CDC123: variants seen among roughly 807,000 people sequenced by gnomAD.
The protein encoded by CDC123 is translation initiation factor eIF2 assembly protein.
In CDC123, 37 loss-of-function variants were observed where a neutral mutation model predicts 54.4. That is an observed-to-expected ratio of 0.68 (90% CI 0.52 to 0.89). CDC123 has a LOEUF of 0.89. Among genes scored for constraint, CDC123 ranks in the 40% least tolerant of loss-of-function variants. The pLI, the probability that CDC123 is intolerant of heterozygous loss-of-function variation, is 0.00. For synonymous variants in CDC123, 144 were observed against 136.8 expected, an observed-to-expected ratio of 1.05 and a Z score of -0.37; for missense variants, 361 against 412.1, an observed-to-expected ratio of 0.88 and a Z score of 1.07.
chr10:12,208,687 G>A (rs1235377317), intron 2 of CDC123, among the ~76,000 whole-genome samples: 1 of 152,150 alleles, frequency 6.6e-6, no homozygotes, highest in African/African-American at 2.4e-5. Context: ...AGCTGGGCAT[G>A]GAAAGATAGT....
chr10:12,237,332 C>A, intron 9 of CDC123, 66 bp downstream of exon 9: 1 of 1,314,890 alleles, frequency 7.6e-7, no homozygotes, highest in African/African-American at 1.5e-5. Flanking sequence ...ACCTTATTTA[C>A]TATGGTGTGT....
At chr10:12,204,666 AT>A (rs1335348990) in intron 2 of CDC123, among the ~76,000 whole-genome samples, 4 of 152,236 alleles carry the variant, frequency 2.6e-5, no homozygotes, top group African/African-American at 4.8e-5. Context: ...TACAGTTATT[AT>A]TGACTATAGT....
chr10:12,236,608 A>G (rs1835979852), intron 8 of CDC123, among the ~76,000 whole-genome samples: 1 of 149,046 alleles, frequency 6.7e-6, no homozygotes, highest in Non-Finnish European at 1.5e-5. Context: ...CTAAAAAAAA[A>G]AAAAGGCCAG....
Position 12,205,735 on chromosome 10 carries a change from A to G in CDC123, c.147-4232A>G, listed in dbSNP as rs148552818. Among the ~76,000 whole-genome samples, 573 of 151,976 alleles carry G rather than the reference A, an allele frequency of 3.8e-3. 3 individuals carry two copies. The highest frequency in any genetic ancestry group is 0.013 in the African/African-American group (532 of 41,436). ...ATAGCATCCTAAATATTAGCACCATACTTTATCCATTTAGTTCTCTGCATG... is the reference window on the plus strand; with the variant it reads ...ATAGCATCCTAAATATTAGCACCATGCTTTATCCATTTAGTTCTCTGCATG... On this transcript the variant is annotated intron_variant, in intron 2 of 12. Coordinates refer to ENST00000281141, the MANE Select transcript of CDC123 (RefSeq NM_006023.3).
chr10:12,245,902 C>T, intron 10 of CDC123: 1 of 341,918 alleles, frequency 2.9e-6, no homozygotes, highest in East Asian at 5.7e-5. Context: ...GAGACCCTGT[C>T]TCGAAGAAAA....
intron 2 of CDC123, among the ~76,000 whole-genome samples, chr10:12,202,323 T>G (rs1274000220): frequency 6.6e-6 from 1 of 152,188 alleles, no homozygotes; most frequent in African/African-American, 2.4e-5. Context: ...AGTTATATAG[T>G]ATGTATTCTT....
intron 2 of CDC123, among the ~76,000 whole-genome samples, chr10:12,201,578 G>A (rs1835439987): frequency 6.6e-6 from 1 of 152,216 alleles, no homozygotes; most frequent in Non-Finnish European, 1.5e-5. Context: ...GAAAGGTCAT[G>A]TAGCTAGAGT....
intron 7 of CDC123, among the ~76,000 whole-genome samples, chr10:12,234,129 G>C (rs1269651634): frequency 6.6e-6 from 1 of 152,010 alleles, no homozygotes; most frequent in Non-Finnish European, 1.5e-5. Flanking sequence ...GTTTTGCTCT[G>C]TCGCCCAGGC....
chr10:12,223,530 C>G (rs1472378996), intron 6 of CDC123, among the ~76,000 whole-genome samples: 1 of 152,242 alleles, frequency 6.6e-6, no homozygotes, highest in Non-Finnish European at 1.5e-5. Context: ...AAGTGATCCA[C>G]CTGCCTCGGC....
At chr10:12,225,743 TCTC>T (rs1433435794) in intron 6 of CDC123, among the ~76,000 whole-genome samples, 2 of 107,030 alleles carry the variant, frequency 1.9e-5, no homozygotes, top group Non-Finnish European at 3.6e-5. Context: ...TTCTAGCTTC[TCTC>T]TTTTTTTTTT....
chr10:12,209,894 C>T, intron 2 of CDC123, 73 bp from the exon 3 acceptor site: 1 of 1,403,822 alleles, frequency 7.1e-7, no homozygotes, highest in Admixed American at 1.7e-5. Flanking sequence ...AACATATACT[C>T]AGTACCCCTG....
intron 12 of CDC123, chr10:12,250,017 T>C (rs1836219583): frequency 4.2e-6 from 2 of 480,564 alleles, no homozygotes; most frequent in Non-Finnish European, 7.3e-6. Flanking sequence ...GGAGAGCAGG[T>C]CTCTGCTCTG....
In CDC123 at chr10:12,240,164, A is replaced by G. The variant is rs545748758; in HGVS notation, c.717+1679A>G. Among the ~76,000 whole-genome samples the G allele has an allele frequency of 4.1e-4, 63 of 152,338 alleles. No homozygotes were observed. The South Asian group carries it at 0.013, about 31-fold the overall frequency. On this transcript the variant is annotated intron_variant, in intron 10 of 12. Coordinates refer to ENST00000281141, the MANE Select transcript of CDC123 (RefSeq NM_006023.3). The stretch of plus-strand genomic sequence containing the variant: ...TGTAAGGAAAAAGTTAAAGTGACTT[A>G]CTAGTAAAGTTACTTACTGCTGACT...
At chr10:12,203,842 T>A (rs1835477634) in intron 2 of CDC123, among the ~76,000 whole-genome samples, 2 of 152,130 alleles carry the variant, frequency 1.3e-5, no homozygotes, top group Admixed American at 1.3e-4. Context: ...GCCTGTAATC[T>A]AGCACTTTAG....
chr10:12,242,084 C>CG (rs397778437), intron 10 of CDC123, among the ~76,000 whole-genome samples: 1 of 37,108 alleles, frequency 2.7e-5, no homozygotes, highest in Non-Finnish European at 8.4e-5. Context: ...TTGAGAGTTA[C>CG]ATAGCTGGCT....
intron 4 of CDC123, among the ~76,000 whole-genome samples, chr10:12,210,897 C>T (rs1835589073): frequency 6.6e-6 from 1 of 152,090 alleles, no homozygotes; most frequent in African/African-American, 2.4e-5. Context: ...GACAGGGTTT[C>T]ACCATGTTAG....
intron 6 of CDC123, among the ~76,000 whole-genome samples, chr10:12,226,006 A>T (rs368429465): frequency 6.6e-6 from 1 of 151,970 alleles, no homozygotes; most frequent in Non-Finnish European, 1.5e-5. Context: ...AACAAAGCAC[A>T]TCTTGCACCG....
At position 12,243,471 on chromosome 10, in the gene CDC123, TG is replaced by T. The variant is rs147798472; in HGVS notation, c.718-2677del. On this transcript the variant is annotated intron_variant, in intron 10 of 12. Transcript: ENST00000281141. ...AAAAGTGTGATTGTTTAAAAAAAAATGAGTTAGTTTTACTGACTATAAAAAG... is the reference window on the plus strand; with the variant it reads ...AAAAGTGTGATTGTTTAAAAAAAAATAGTTAGTTTTACTGACTATAAAAAG... Among the ~76,000 whole-genome samples, 738 of 150,804 alleles carry T rather than the reference TG, an allele frequency of 4.9e-3. 25 individuals carry two copies. In the East Asian group the frequency reaches 0.075, roughly 15 times the overall value.
chr10:12,215,990 C>T (rs569608892), intron 5 of CDC123, 155 bp downstream of exon 5: 13 of 512,018 alleles, frequency 2.5e-5, no homozygotes, highest in Admixed American at 4.1e-5. Flanking sequence ...TTTTACTTTC[C>T]GGATTTTGCT....
Sources: gnomAD v4.1 joint callset for allele counts (sites outside exome capture counted in the v4.1 genomes callset) on GRCh38, gnomAD v4.1.1 for gene constraint, MANE v1.5 for transcripts, NCBI Gene and HGNC (gene_info 2026-07-23, HGNC 2026-07-21) for gene names.